The following ZMAT4 variants were observed in gnomAD, a reference collection of about 807,000 sequenced individuals.
ZMAT4 encodes zinc finger matrin-type 4, also known as zinc finger matrin-type protein 4.
In ZMAT4, 17 loss-of-function variants were observed where a neutral mutation model predicts 28.7. The observed-to-expected ratio is 0.59, with a 90% confidence interval of 0.41 to 0.89. ZMAT4 has a LOEUF of 0.89. Among genes scored for constraint, ZMAT4 ranks in the 40% least tolerant of loss-of-function variants. The pLI, the probability that ZMAT4 is intolerant of heterozygous loss-of-function variation, is 0.00. For missense variants in ZMAT4, 240 were observed against 283.8 expected, an observed-to-expected ratio of 0.85 and a Z score of 1.11; for synonymous variants, 117 against 109.2, an observed-to-expected ratio of 1.07 and a Z score of -0.44.
intron 1 of ZMAT4, among the ~76,000 whole-genome samples, chr8:40,895,837 C>T: frequency 6.6e-6 from 1 of 152,210 alleles, no homozygotes; most frequent in South Asian, 2.1e-4. Flanking sequence ...ATGCAAGATC[C>T]CCCACGTGCT....
intron 3 of ZMAT4, among the ~76,000 whole-genome samples, chr8:40,701,358 G>A (rs1810135897): frequency 2.0e-5 from 3 of 152,052 alleles, no homozygotes. Context: ...GGGCTGTGAG[G>A]CCCTGAAAAG....
intron 3 of ZMAT4, among the ~76,000 whole-genome samples, 178 bp from the exon 4 acceptor site, chr8:40,697,579 C>G (rs536382632): frequency 2.6e-5 from 4 of 151,778 alleles, no homozygotes; most frequent in Non-Finnish European, 4.4e-5. Flanking sequence ...TTTTATTATA[C>G]TTTAAGTTCT....
At chr8:40,703,486 A>C (rs984305618) in intron 3 of ZMAT4, among the ~76,000 whole-genome samples, 1 of 152,246 alleles carries the variant, frequency 6.6e-6, no homozygotes, top group Non-Finnish European at 1.5e-5. Flanking sequence ...AAAAGACCAC[A>C]TAATGTATGA....
At position 40,733,453 on chromosome 8, in the gene ZMAT4, T is replaced by A. The variant is rs143048036; in HGVS notation, c.192+34188A>T. ...TGTTAACTCACAGGACTTGTGTTAA[T>A]ATTATTATATACTTCAAAGTGAATC... On this transcript the variant is annotated intron_variant, in intron 3 of 6. Coordinates refer to ENST00000297737, the MANE Select transcript of ZMAT4 (RefSeq NM_024645.3). Among the ~76,000 whole-genome samples the A allele has an allele frequency of 4.7e-3, 718 of 152,322 alleles. 3 individuals carry two copies. The highest frequency in any genetic ancestry group is 0.016 in the African/African-American group (684 of 41,572).
At chr8:40,656,207 C>T (rs1336904791) in intron 5 of ZMAT4, among the ~76,000 whole-genome samples, 1 of 152,076 alleles carries the variant, frequency 6.6e-6, no homozygotes, top group Non-Finnish European at 1.5e-5. Flanking sequence ...GACACAATCT[C>T]ATTAGCCATC....
chr8:40,547,199 C>T (rs537516144), intron 6 of ZMAT4, among the ~76,000 whole-genome samples: 144 of 152,292 alleles, frequency 9.5e-4, no homozygotes, highest in Admixed American at 2.1e-3. Context: ...TGCGGGCAAC[C>T]CAGCCTGGGA....
At chr8:40,606,069 G>A (rs931135935) in intron 5 of ZMAT4, among the ~76,000 whole-genome samples, 1 of 152,124 alleles carries the variant, frequency 6.6e-6, no homozygotes, top group African/African-American at 2.4e-5. Context: ...GAGTCCTTAT[G>A]TGTGTTCGAT....
At chr8:40,755,295 G>T (rs1345270861) in intron 3 of ZMAT4, among the ~76,000 whole-genome samples, 1 of 152,126 alleles carries the variant, frequency 6.6e-6, no homozygotes, top group Non-Finnish European at 1.5e-5. Context: ...TCTGTAAAGG[G>T]TCACAGTAAA....
rs551985398 is a variant in ZMAT4 at position 40,814,671 on chromosome 8, T to A, written c.102+10904A>T. ...CATGTTACCATTTCTGAAAAAGATATAAAAGGAAAAATTAAGCTGCATCTA... is the reference window on the plus strand; with the variant it reads ...CATGTTACCATTTCTGAAAAAGATAAAAAAGGAAAAATTAAGCTGCATCTA... On this transcript the variant is annotated intron_variant, in intron 2 of 6. Transcript: ENST00000297737. 2.0e-5 allele frequency among the ~76,000 whole-genome samples: 3 copies of A among 152,226 alleles called. No homozygotes were observed. In the South Asian group the frequency reaches 6.2e-4, roughly 32 times the overall value.
At chr8:40,749,253 C>T (rs149166847) in intron 3 of ZMAT4, among the ~76,000 whole-genome samples, 92 of 152,258 alleles carry the variant, frequency 6.0e-4, no homozygotes, top group African/African-American at 2.1e-3. Context: ...ATCTGGTCCA[C>T]TGGAAAGGAG....
intron 1 of ZMAT4, among the ~76,000 whole-genome samples, chr8:40,886,516 C>T (rs551189278): frequency 1.3e-5 from 2 of 152,304 alleles, no homozygotes; most frequent in East Asian, 1.9e-4. Context: ...TTGGTTTTCT[C>T]ATCTGTAAAA....
At chr8:40,701,373 G>T (rs77407472) in intron 3 of ZMAT4, among the ~76,000 whole-genome samples, 6,856 of 152,136 alleles carry the variant, frequency 0.045, 292 homozygotes, top group East Asian at 0.24. Flanking sequence ...GAAAAGTTAG[G>T]CAGCCTTTCA....
intron 6 of ZMAT4, among the ~76,000 whole-genome samples, chr8:40,580,732 T>G (rs1189281626): frequency 2.6e-5 from 4 of 152,204 alleles, no homozygotes; most frequent in Non-Finnish European, 5.9e-5. Flanking sequence ...TAATAGTGAA[T>G]AGTCATTGTA....
At chr8:40,743,717 C>G (rs1165627558) in intron 3 of ZMAT4, among the ~76,000 whole-genome samples, 1 of 152,110 alleles carries the variant, frequency 6.6e-6, no homozygotes, top group Non-Finnish European at 1.5e-5. Context: ...GGGCAGGGAG[C>G]GGCCGATTCC....
chr8:40,737,858 T>C (rs2150531967), intron 3 of ZMAT4, among the ~76,000 whole-genome samples: 1 of 152,194 alleles, frequency 6.6e-6, no homozygotes, highest in South Asian at 2.1e-4. Context: ...CATCAAAGAG[T>C]TCCATGAAGC....
At position 40,793,840 on chromosome 8, in the gene ZMAT4, G is replaced by A. The variant is rs192598231; in HGVS notation, c.103-26110C>T. Among the ~76,000 whole-genome samples the A allele has an allele frequency of 1.5e-3, 228 of 152,280 alleles. 1 individual carries two copies. The highest frequency in any genetic ancestry group is 4.6e-3 in the African/African-American group (192 of 41,556). On this transcript the variant is annotated intron_variant, in intron 2 of 6. Transcript: ENST00000297737. ...CCTCTTGTCACCTTCTTCAGGAAAA[G>A]TGTGACGGACTCGCCCCTCCTTGGG...
chr8:40,723,656 T>C (rs1427972325), intron 3 of ZMAT4, among the ~76,000 whole-genome samples: 1 of 151,952 alleles, frequency 6.6e-6, no homozygotes, highest in Non-Finnish European at 1.5e-5. Flanking sequence ...TCTAACCAGA[T>C]TTAGGAATCT....
At position 40,881,599 on chromosome 8, in the gene ZMAT4, A is replaced by AAAGAAAGAAAGAAAGAAAG. The variant is rs750851490; in HGVS notation, c.-5+16083_-5+16084insCTTTCTTTCTTTCTTTCTT. Among the ~76,000 whole-genome samples, 29 of 78,236 alleles carry AAAGAAAGAAAGAAAGAAAG rather than the reference A, an allele frequency of 3.7e-4. 1 individual carries two copies. Among genetic ancestry groups the AAAGAAAGAAAGAAAGAAAG allele is most frequent in the Admixed American group, 6.3e-4 (5 of 7,886 alleles). The allele number at this position is 78,236 out of a possible 152,430, so 51.3% of individuals were successfully genotyped here. On this transcript the variant is annotated intron_variant, in intron 1 of 6. Transcript: ENST00000297737. ...GAAAGAAAGAAAGAAAGAAAGAAAG[A>AAAGAAAGAAAGAAAGAAAG]AAAGAAAAGAAAAGAGAGAGAGAAA...
intron 3 of ZMAT4, among the ~76,000 whole-genome samples, chr8:40,712,316 A>G (rs1585921494): frequency 6.6e-6 from 1 of 152,200 alleles, no homozygotes; most frequent in Non-Finnish European, 1.5e-5. Context: ...TTTATTAAAA[A>G]CCAACCAACC....
Sources: gnomAD v4.1 joint callset for allele counts (sites outside exome capture counted in the v4.1 genomes callset) on GRCh38, gnomAD v4.1.1 for gene constraint, MANE v1.5 for transcripts, NCBI Gene and HGNC (gene_info 2026-07-23, HGNC 2026-07-21) for gene names.